Variants in AHNAK2 observed in about 807,000 individuals in gnomAD.
AHNAK2 encodes the protein AHNAK nucleoprotein 2.
A neutral mutation model predicts 30.7 loss-of-function variants in AHNAK2; 18 were observed. The ratio of observed to expected loss-of-function variants is 0.59; its 90% CI spans 0.41 to 0.87. The LOEUF is 0.87. AHNAK2 is among the 40% of genes least tolerant of loss of function. The probability of loss-of-function intolerance (pLI) is 0.00; values close to 1 mark genes in which losing one functional copy is unlikely to be tolerated. For missense variants in AHNAK2, 8,604 were observed against 7,373.0 expected, an observed-to-expected ratio of 1.17 and a Z score of -6.11; for synonymous variants, 3,590 against 3,073.8, an observed-to-expected ratio of 1.17 and a Z score of -5.56.
rs772922301 is a variant in AHNAK2 at position 104,953,568 on chromosome 14, C to G, written c.1883G>C (p.Arg628Pro). The G allele has an allele frequency of 7.4e-6, 12 of 1,613,822 alleles. No individual in the cohort carries two copies. Among genetic ancestry groups the G allele is most frequent in the Admixed American group, 1.7e-5 (1 of 59,990 alleles). Reference protein sequence around the residue: ...TATADRREQRRTEEGLKDKED... With the variant: ...TATADRREQRPTEEGLKDKED... ...TTTGTCTTTTAATCCTTCCTCTGTG[C>G]GTCTCTGTTCTCTTCTATCAGCTGT... The change falls in exon 7 of 7, where the codon CGC becomes CCC. Residue 628 changes from arginine to proline, a missense_variant. Coordinates refer to ENST00000333244, the MANE Select transcript of AHNAK2 (RefSeq NM_138420.4).
chr14:104,959,193 G>A (rs889280685), intron 1 of AHNAK2, among the ~76,000 whole-genome samples: 1 of 151,944 alleles, frequency 6.6e-6, no homozygotes, highest in Non-Finnish European at 1.5e-5. Context: ...TTTTTTTTGA[G>A]ACGGAGTCTC....
chr14:104,946,301 G>T lies in AHNAK2; in HGVS notation c.9150C>A (p.His3050Gln), dbSNP rs187482818. The change falls in exon 7 of 7, where the codon CAC (histidine) becomes CAA (glutamine). Residue 3050 changes from histidine (H) to glutamine (Q), a missense_variant. Coordinates refer to ENST00000333244, the MANE Select transcript of AHNAK2 (RefSeq NM_138420.4). ...GQVDLKLPEG[H>Q]VPEGAGLKGH... is the part of the protein sequence containing the mutation. ...CTTTGAGGCCAGCTCCCTCGGGAAC[G>T]TGGCCCTCTGGGAGCTTCAGGTCCA... 1.2e-6 allele frequency: 2 copies of T among 1,611,814 alleles called. No individual in the cohort carries two copies. The highest frequency in any genetic ancestry group is 1.7e-6 in the Non-Finnish European group (2 of 1,179,346).
chr14:104,961,946 C>T (rs1018329641), intron 1 of AHNAK2, among the ~76,000 whole-genome samples: 23 of 152,144 alleles, frequency 1.5e-4, no homozygotes, highest in African/African-American at 5.6e-4. Flanking sequence ...GCACTCCAGC[C>T]GGGGCAGCAA....
Position 104,952,811 on chromosome 14 carries a change from G to C in AHNAK2, c.2640C>G (p.Asp880Glu). Residue 880 changes from aspartate to glutamate, a missense_variant, in exon 7 of 7, where the codon GAC (aspartate) becomes GAG (glutamate). Transcript: ENST00000333244. ...CAGCGGAAGGGGGCTGAATGCTGAG[G>C]TCAGTGGCCTTGAGGTCCCCCTGCA... ...SSMQGDLKAT[D>E]LSIQPPSADL... 6.2e-7 allele frequency: 1 copy of C among 1,612,570 alleles called. No individual in the cohort carries two copies. The highest frequency in any genetic ancestry group is 8.5e-7 in the Non-Finnish European group (1 of 1,179,594).
chr14:104,947,760 C>G lies in AHNAK2; in HGVS notation c.7691G>C (p.Gly2564Ala). 6.2e-7 allele frequency: 1 copy of G among 1,612,548 alleles called. No homozygotes were observed. The highest frequency in any genetic ancestry group is 8.5e-7 in the Non-Finnish European group (1 of 1,179,574). The part of the protein sequence containing the change: ...GPVPEGAGLK[G>A]HLPKVQMPSF... ...GGGCATCTGCACCTTGGGCAGGTGC[C>G]CTTTGAGGCCGGCTCCCTCCGGCAC... The change falls in exon 7 of 7, where the codon GGG (glycine) becomes GCG (alanine). Residue 2564 changes from glycine (G) to alanine (A), a missense_variant. Gly to Ala is a moderately conservative substitution (Grantham distance 60). Transcript: ENST00000333244.
chr14:104,952,277 C>G lies in AHNAK2; in HGVS notation c.3174G>C (p.Gln1058His), dbSNP rs1206472299. ...IQPASTDLKV[Q>H]ADQVDVKLPE... ...GGAGCTTCACATCCACCTGGTCAGC[C>G]TGGACCTTCAGGTCAGTAGAAGCAG... Residue 1058 changes from glutamine (Q) to histidine (H), a missense_variant, in exon 7 of 7, where the codon CAG (glutamine) becomes CAC (histidine). Transcript: ENST00000333244. 6.2e-7 allele frequency: 1 copy of G among 1,612,574 alleles called. No homozygotes were observed. The highest frequency in any genetic ancestry group is 1.1e-5 in the South Asian group (1 of 91,038).
chr14:104,955,025 G>A lies in AHNAK2; in HGVS notation c.583C>T (p.Pro195Ser), dbSNP rs1898929383. The A allele has an allele frequency of 1.2e-6, 2 of 1,613,590 alleles. No individual in the cohort carries two copies. Among genetic ancestry groups the A allele is most frequent in the South Asian group, 2.2e-5 (2 of 91,092 alleles). ...KVQFKIRRQL[P>S]APQDEEWASS... is the part of the protein sequence containing the mutation. ...GCCCACTCTTCATCCTGTGGGGCAG[G>A]GAGCTGCCGTCTGATTTTGAACTGA... Residue 195 changes from proline (P) to serine (S), a missense_variant, in exon 6 of 7, where the codon CCT (proline) becomes TCT (serine). Physicochemically the swap from Pro to Ser is moderately conservative, Grantham distance 74 (BLOSUM62 -1). Coordinates refer to ENST00000333244, the MANE Select transcript of AHNAK2 (RefSeq NM_138420.4).
At position 104,940,167 on chromosome 14, in the gene AHNAK2, G is replaced by A. The variant is rs778037757; in HGVS notation, c.15284C>T (p.Pro5095Leu). The A allele has an allele frequency of 6.2e-7, 1 of 1,613,536 alleles. No homozygotes were observed. Among genetic ancestry groups the A allele is most frequent in the Non-Finnish European group, 8.5e-7 (1 of 1,179,876 alleles). ...ATCAGGTTTGGCAAAGCCCAAACTG[G>A]GAATGTGGACCTGTGGCCGGTGGAG... ...VNLHRPQVHI[P>L]SLGFAKPDLR... The change falls in exon 7 of 7, where the codon CCC (proline) becomes CTC (leucine). Residue 5095 changes from proline (P) to leucine (L), a missense_variant. Pro to Leu is a moderately conservative substitution (Grantham distance 98). Transcript: ENST00000333244. The surrounding 1 kb of genome is among the most constrained non-coding windows in gnomAD (Gnocchi z 4.4).
At position 104,938,552 on chromosome 14, in the gene AHNAK2, T is replaced by C. The variant is rs1897879928; in HGVS notation, c.16899A>G (p.Pro5633=). The change falls in exon 7 of 7, where the codon CCA becomes CCG. Residue 5633 remains proline, a synonymous_variant. Transcript: ENST00000333244. ...TTPLADEGRA[P]KDKPESKKSG... ...ATTTTTTACTTTCTGGTTTGTCTTTTGGAGCCCTGCCTTCATCTGCCAGTG... is the reference window on the plus strand; with the variant it reads ...ATTTTTTACTTTCTGGTTTGTCTTTCGGAGCCCTGCCTTCATCTGCCAGTG... 1 of 1,613,288 alleles carries C rather than the reference T, an allele frequency of 6.2e-7. No individual in the cohort carries two copies. The highest frequency in any genetic ancestry group is 8.5e-7 in the Non-Finnish European group (1 of 1,179,782).
In AHNAK2 at chr14:104,940,365, G is replaced by A; in HGVS notation, c.15086C>T (p.Pro5029Leu). Residue 5029 changes from proline (P) to leucine (L), a missense_variant, in exon 7 of 7, where the codon CCC (proline) becomes CTC (leucine). Physicochemically the swap from Pro to Leu is moderately conservative, Grantham distance 98 (BLOSUM62 -3). Transcript: ENST00000333244. This position sits in a 1 kb window ranked among gnomAD's most constrained non-coding sequence, Gnocchi z 4.4. ...CCCACTCTTAGAAGCCTTCATTTTGGGAAGTGCAAGTTTTGGCATGGCAAA... is the reference window on the plus strand; with the variant it reads ...CCCACTCTTAGAAGCCTTCATTTTGAGAAGTGCAAGTTTTGGCATGGCAAA... ...PGFAMPKLAL[P>L]KMKASKSGVS... 6.2e-7 allele frequency: 1 copy of A among 1,613,842 alleles called. No homozygotes were observed.
intron 1 of AHNAK2, chr14:104,970,459 G>C (rs1899443748): frequency 2.0e-6 from 2 of 985,494 alleles, no homozygotes; most frequent in East Asian, 1.1e-4. Context: ...CACTTACCAA[G>C]GAAGCTACAG....
rs1897987500 is a variant in AHNAK2 at position 104,941,578 on chromosome 14, C to G, written c.13873G>C (p.Asp4625His). ...SLAHEDVAGK[D>H]SKFQGPKLST... Reference sequence around the variant, plus strand: ...AGTTTTGGTCCTTGAAACTTACTGTCTTTCCCAGCTACATCCTCGTGGGCC... The same window carrying G: ...AGTTTTGGTCCTTGAAACTTACTGTGTTTCCCAGCTACATCCTCGTGGGCC... Residue 4625 changes from aspartate to histidine, a missense_variant, in exon 7 of 7, where the codon GAC becomes CAC. Transcript: ENST00000333244. 6.2e-7 allele frequency: 1 copy of G among 1,613,260 alleles called. No homozygotes were observed. The highest frequency in any genetic ancestry group is 1.1e-5 in the South Asian group (1 of 91,082).
rs897619454 is a variant in AHNAK2, at chr14:104,948,188, T to C, written c.7263A>G (p.Ile2421Met). 6 of 1,612,296 alleles carry C rather than the reference T, an allele frequency of 3.7e-6. No individual in the cohort carries two copies. Among genetic ancestry groups the C allele is most frequent in the African/African-American group, 2.7e-5 (2 of 74,300 alleles). ...GGTCCAGCTTGGGGCCCTTGACATC[T>C]ATCTGGGGGCCCTTGAGATCTACTT... is the stretch of plus-strand genomic sequence containing the variant. The part of the protein sequence containing the change: ...MPKVDLKGPQ[I>M]DVKGPKLDLK... Residue 2421 changes from isoleucine (I) to methionine (M), a missense_variant, in exon 7 of 7, where the codon ATA (isoleucine) becomes ATG (methionine). Physicochemically the swap from Ile to Met is conservative, Grantham distance 10 (BLOSUM62 1). Transcript: ENST00000333244.
In AHNAK2 at chr14:104,944,106, C is replaced by A. The variant is rs368882202; in HGVS notation, c.11345G>T (p.Ser3782Ile). The A allele has an allele frequency of 9.0e-5, 145 of 1,612,966 alleles. No homozygotes were observed. In the Middle Eastern group the frequency reaches 1.6e-3, roughly 18 times the overall value. Residue 3782 changes from serine to isoleucine, a missense_variant, in exon 7 of 7, where the codon AGT (serine) becomes ATT (isoleucine). Coordinates refer to ENST00000333244, the MANE Select transcript of AHNAK2 (RefSeq NM_138420.4). ...DVQAPRAKLD[S>I]AQLEGDLSLA... ...GGACAGGTCCCCCTCCAGCTGTGCACTATCCAGTTTGGCTCTTGGGGCCTG... is the reference window on the plus strand; with the variant it reads ...GGACAGGTCCCCCTCCAGCTGTGCAATATCCAGTTTGGCTCTTGGGGCCTG...
intron 1 of AHNAK2, among the ~76,000 whole-genome samples, chr14:104,974,558 G>T (rs1899551510): frequency 6.6e-6 from 1 of 152,242 alleles, no homozygotes; most frequent in African/African-American, 2.4e-5. Flanking sequence ...CCTCCAGGGA[G>T]CCCTCTCTGG....
chr14:104,953,300 GT>G lies in AHNAK2; in HGVS notation c.2150del (p.Asp717AlafsTer25), dbSNP rs1371335115. On this transcript the variant is annotated frameshift_variant, in exon 7 of 7. Coordinates refer to ENST00000333244, the MANE Select transcript of AHNAK2 (RefSeq NM_138420.4). LOFTEE classifies it low-confidence loss of function (END_TRUNC). Reference sequence around the variant, plus strand: ...GGACGCTGAGGTCAGTGGTCTTGAGGTCCCCCTGCATGGAGAGGAGGCTCAC... The same window carrying G: ...GGACGCTGAGGTCAGTGGTCTTGAGGCCCCCTGCATGGAGAGGAGGCTCAC... ...ADVSLLSMQGDLKTTDLSVQT... is the reference protein window; with the variant it reads ...ADVSLLSMQGXLKTTDLSVQT... 9 of 1,612,532 alleles carry G rather than the reference GT, an allele frequency of 5.6e-6. No individual in the cohort carries two copies. Among genetic ancestry groups the G allele is most frequent in the Non-Finnish European group, 7.6e-6 (9 of 1,179,630 alleles).
intron 1 of AHNAK2, among the ~76,000 whole-genome samples, chr14:104,959,122 C>G (rs1411924683): frequency 6.6e-6 from 1 of 152,146 alleles, no homozygotes; most frequent in Non-Finnish European, 1.5e-5. Flanking sequence ...ATTGCTTGAG[C>G]CCAGAAACTC....
rs1252437382 is a variant in AHNAK2, at chr14:104,954,900, AGCCAGCAGG to A, written c.651+48_651+56del. The A allele has an allele frequency of 6.0e-6, 3 of 502,318 alleles. No homozygotes were observed. Among genetic ancestry groups the A allele is most frequent in the African/African-American group, 2.8e-5 (1 of 35,692 alleles). 31.1% of individuals were successfully genotyped at this position (502,318 alleles called of 1,614,324 possible). A position where few individuals can be genotyped will look rare whatever the true frequency, so the allele number is the denominator to read the frequency against. On this transcript the variant is annotated intron_variant, in intron 6 of 6. Coordinates refer to ENST00000333244, the MANE Select transcript of AHNAK2 (RefSeq NM_138420.4). The surrounding 1 kb of genome is among the most constrained non-coding windows in gnomAD (Gnocchi z 4.3). ...GGGAGTGCTATCCCCTCCCAGGCTC[AGCCAGCAGG>A]GTAGTGAAGCCAGCTGGGGCCCTGC...
Position 104,944,356 on chromosome 14 carries a change from C to A in AHNAK2, c.11095G>T (p.Ala3699Ser). The change falls in exon 7 of 7, where the codon GCT becomes TCT. Residue 3699 changes from alanine to serine, a missense_variant. By Grantham distance (99) the Ala-to-Ser change is moderately conservative. Transcript: ENST00000333244. ...QPPSADLKVQ[A>S]GQMDVKLPEG... Reference sequence around the variant, plus strand: ...GGGAGCTTCACATCCATCTGGCCAGCCTGGACCTTCAGGTCGGCAGAAGGG... The same window carrying A: ...GGGAGCTTCACATCCATCTGGCCAGACTGGACCTTCAGGTCGGCAGAAGGG... 7 of 1,612,722 alleles carry A rather than the reference C, an allele frequency of 4.3e-6. No homozygotes were observed. The highest frequency in any genetic ancestry group is 5.9e-6 in the Non-Finnish European group (7 of 1,179,536).
Sources: allele counts gnomAD v4.1 joint callset (sites outside exome capture counted in the v4.1 genomes callset), GRCh38; gene constraint gnomAD v4.1.1; non-coding constraint Gnocchi (gnomAD v3.1); transcripts MANE v1.5; gene names NCBI Gene and HGNC (gene_info 2026-07-23, HGNC 2026-07-21).